Variants in CLK4 observed in about 807,000 individuals in gnomAD.
The protein encoded by CLK4 is CDC like kinase 4, also known as dual specificity protein kinase CLK4.
In CLK4, 37 loss-of-function variants were observed where a neutral mutation model predicts 64.4. That is an observed-to-expected ratio of 0.57 (90% CI 0.44 to 0.76). The LOEUF (loss-of-function observed/expected upper bound fraction) is 0.76. Ranked by LOEUF, CLK4 falls within the 30% of genes least tolerant of loss-of-function variation. The pLI is 0.00. For missense variants in CLK4, 457 were observed against 605.1 expected, an observed-to-expected ratio of 0.76 and a Z score of 2.57; for synonymous variants, 175 against 191.6, an observed-to-expected ratio of 0.91 and a Z score of 0.72.
Position 178,612,668 on chromosome 5 carries a change from G to T in CLK4, c.922-123C>A, listed in dbSNP as rs1045464835. 7 of 1,171,890 alleles carry T rather than the reference G, an allele frequency of 6.0e-6. No individual in the cohort carries two copies. The African/African-American group carries it at 1.1e-4, about 18-fold the overall frequency. 72.6% of individuals were successfully genotyped at this position (1,171,890 alleles called of 1,614,324 possible). A position where few individuals can be genotyped will look rare whatever the true frequency, so the allele number is the denominator to read the frequency against. On this transcript the variant is annotated intron_variant, in intron 8 of 12. Coordinates refer to ENST00000316308, the MANE Select transcript of CLK4 (RefSeq NM_020666.3). ...GTAAGCTCATGAGAAAGGCAAAGAA[G>T]GATTACTTCTTTTTGGTTAAACAAC...
intron 2 of CLK4, 98 bp from the exon 3 acceptor site, chr5:178,618,876 A>G: frequency 1.2e-6 from 1 of 830,682 alleles, no homozygotes; most frequent in Non-Finnish European, 1.9e-6. Context: ...CAGCTAACTC[A>G]ATATAAGAAA....
chr5:178,617,065 A>G lies in CLK4; in HGVS notation c.476-117T>C, dbSNP rs1357792165. 5 of 736,234 alleles carry G rather than the reference A, an allele frequency of 6.8e-6. No individual in the cohort carries two copies. The highest frequency in any genetic ancestry group is 9.3e-6 in the Non-Finnish European group (4 of 430,822). The allele number at this position is 736,234 out of a possible 1,614,324, so 45.6% of individuals were successfully genotyped here. On this transcript the variant is annotated intron_variant, in intron 4 of 12. Coordinates refer to ENST00000316308, the MANE Select transcript of CLK4 (RefSeq NM_020666.3). This position sits in a 1 kb window ranked among gnomAD's most constrained non-coding sequence, Gnocchi z 5.2. ...AATGATCTCTAACAAAGCATAACTAAGGTTTCAGCACTCAAATTATTTTAG... is the reference window on the plus strand; with the variant it reads ...AATGATCTCTAACAAAGCATAACTAGGGTTTCAGCACTCAAATTATTTTAG...
chr5:178,603,572 TA>T lies in CLK4; in HGVS notation c.*44del. On this transcript the variant is annotated 3_prime_UTR_variant, in exon 13 of 13. Coordinates refer to ENST00000316308, the MANE Select transcript of CLK4 (RefSeq NM_020666.3). ...TTTAGTTGACTGACACAGTCTTAAG[TA>T]ATCTCTTCTAGAGAAGTATATAGTA... 2.2e-6 allele frequency: 3 copies of T among 1,382,514 alleles called. No individual in the cohort carries two copies. The highest frequency in any genetic ancestry group is 2.9e-6 in the Non-Finnish European group (3 of 1,028,708). 85.6% of individuals were successfully genotyped at this position (1,382,514 alleles called of 1,614,324 possible).
chr5:178,613,445 A>AAT (rs1764585758), intron 7 of CLK4, 28 bp downstream of exon 7: 1 of 1,331,010 alleles, frequency 7.5e-7, no homozygotes, highest in Non-Finnish European at 9.8e-7. Flanking sequence ...TAAATAAATA[A>AAT]AAATAAAGAT....
intron 2 of CLK4, 125 bp downstream of exon 2, chr5:178,623,131 T>G: frequency 1.0e-6 from 1 of 972,698 alleles, no homozygotes; most frequent in African/African-American, 1.7e-5. Flanking sequence ...TACTCAAATA[T>G]TTTCTAAACG....
At chr5:178,612,594 T>C in intron 8 of CLK4, 49 bp from the exon 9 acceptor site, 6 of 1,585,574 alleles carry the variant, frequency 3.8e-6, no homozygotes, top group Non-Finnish European at 4.3e-6. Flanking sequence ...ATACATTTTA[T>C]AGCGCTACTC....
In CLK4 at chr5:178,605,724, A is replaced by G. The variant is rs73348418; in HGVS notation, c.1135-342T>C. 761 of 163,698 alleles carry G rather than the reference A, an allele frequency of 4.6e-3. 10 individuals carry two copies. Among genetic ancestry groups the G allele is most frequent in the African/African-American group, 0.017 (722 of 42,070 alleles). The allele number at this position is 163,698 out of a possible 1,614,324, so 10.1% of individuals were successfully genotyped here. A position where few individuals can be genotyped will look rare whatever the true frequency, so the allele number is the denominator to read the frequency against. On this transcript the variant is annotated intron_variant, in intron 10 of 12. Transcript: ENST00000316308. Reference sequence around the variant, plus strand: ...ACTACCTCAAAGTCATATAGCTCATATATGAGGAAAGTTAAGCTATCAACC... The same window carrying G: ...ACTACCTCAAAGTCATATAGCTCATGTATGAGGAAAGTTAAGCTATCAACC...
chr5:178,612,637 G>A, intron 8 of CLK4, 92 bp from the exon 9 acceptor site: 2 of 1,356,890 alleles, frequency 1.5e-6, no homozygotes, highest in Non-Finnish European at 2.1e-6. Context: ...CTTCTTGATT[G>A]TCAAAGTAAG....
intron 10 of CLK4, 36 bp from the exon 11 acceptor site, chr5:178,605,418 C>T (rs1206623326): frequency 1.7e-6 from 2 of 1,210,204 alleles, no homozygotes; most frequent in Middle Eastern, 2.0e-4. Flanking sequence ...TAGTACTCTC[C>T]ATTTCCCTAC....
At chr5:178,615,269 G>T (rs775317089) in intron 5 of CLK4, among the ~76,000 whole-genome samples, 9 of 152,208 alleles carry the variant, frequency 5.9e-5, no homozygotes, top group Admixed American at 1.3e-4. Flanking sequence ...GACATTAATG[G>T]GATGACTGGT....
chr5:178,610,170 A>G (rs1318154850), intron 9 of CLK4, among the ~76,000 whole-genome samples: 1 of 151,690 alleles, frequency 6.6e-6, no homozygotes, highest in Non-Finnish European at 1.5e-5. Context: ...GGCACCTGTA[A>G]GCCCAGCTAC....
intron 1 of CLK4, among the ~76,000 whole-genome samples, chr5:178,626,025 T>C (rs753774696): frequency 5.3e-5 from 8 of 152,202 alleles, no homozygotes; most frequent in Non-Finnish European, 8.8e-5. Flanking sequence ...ATGGATCTCA[T>C]ATGTAGATCC....
intron 9 of CLK4, among the ~76,000 whole-genome samples, chr5:178,610,992 G>A (rs965024777): frequency 7.3e-5 from 11 of 151,516 alleles, no homozygotes; most frequent in Non-Finnish European, 1.0e-4. Flanking sequence ...AGAATCGCGC[G>A]AACCTGGGAG....
chr5:178,608,810 A>G (rs1353654121), intron 9 of CLK4, among the ~76,000 whole-genome samples: 1 of 152,236 alleles, frequency 6.6e-6, no homozygotes, highest in Non-Finnish European at 1.5e-5. Context: ...TGCTCAGTTC[A>G]TGGTTAGTCC....
intron 5 of CLK4, 59 bp from the exon 6 acceptor site, chr5:178,613,902 T>A: frequency 1.5e-6 from 2 of 1,290,396 alleles, no homozygotes; most frequent in Non-Finnish European, 1.1e-6. Flanking sequence ...GAAGCCATGT[T>A]ATGCTCTAAA....
intron 2 of CLK4, chr5:178,620,668 C>T (rs1404689869): frequency 2.3e-6 from 1 of 443,440 alleles, no homozygotes; most frequent in Non-Finnish European, 4.5e-6. Context: ...TATATCCACA[C>T]AGGTCCTGTG....
chr5:178,616,025 T>C (rs567021793), intron 5 of CLK4, among the ~76,000 whole-genome samples: 18 of 152,230 alleles, frequency 1.2e-4, no homozygotes, highest in Non-Finnish European at 2.4e-4. Flanking sequence ...GGGAAATTCC[T>C]TCACTTGAAC....
At chr5:178,607,087 CCAA>C (rs1764478238) in intron 10 of CLK4, among the ~76,000 whole-genome samples, 1 of 150,866 alleles carries the variant, frequency 6.6e-6, no homozygotes, top group South Asian at 2.1e-4. Context: ...AAGCAAACTA[CCAA>C]CAACTATGAC....
chr5:178,608,590 T>C, intron 9 of CLK4, 132 bp from the exon 10 acceptor site: 2 of 581,780 alleles, frequency 3.4e-6, no homozygotes, highest in East Asian at 3.0e-5. Flanking sequence ...TCAGGGTTTA[T>C]AGTTCTAGTT....
Sources: allele counts gnomAD v4.1 joint callset (sites outside exome capture counted in the v4.1 genomes callset), GRCh38; gene constraint gnomAD v4.1.1; non-coding constraint Gnocchi (gnomAD v3.1); transcripts MANE v1.5; gene names NCBI Gene and HGNC (gene_info 2026-07-23, HGNC 2026-07-21).